CFAP69: variants seen among roughly 807,000 people sequenced by gnomAD.
CFAP69 encodes cilia and flagella associated protein 69, also known as cilia- and flagella-associated protein 69.
A neutral mutation model predicts 123.0 loss-of-function variants in CFAP69; 92 were observed. The ratio of observed to expected loss-of-function variants is 0.75; its 90% CI spans 0.63 to 0.89. The LOEUF (loss-of-function observed/expected upper bound fraction) is 0.89, where lower values mean the gene tolerates loss of function less well. Among genes scored for constraint, CFAP69 ranks in the 40% least tolerant of loss-of-function variants. CFAP69 has a pLI of 0.00. For synonymous variants in CFAP69, 380 were observed against 364.3 expected (o/e 1.04, Z -0.49); for missense variants, 1,067 against 1,096.9 (o/e 0.97, Z 0.39).
the CFAP69 span, chr7:90,321,263 AGCT>A: frequency 6.6e-6 from 1 of 151,836 alleles, no homozygotes; most frequent in Non-Finnish European, 1.5e-5. Flanking sequence ...CCGCGGGTGG[AGCT>A]GCCGGTTCTG....
chr7:90,308,413 T>A (rs1002515477), intron 21 of CFAP69, among the ~76,000 whole-genome samples: 1 of 152,192 alleles, frequency 6.6e-6, no homozygotes, highest in African/African-American at 2.4e-5. Context: ...AGAAACACCA[T>A]GGATTTCCAG....
At chr7:90,284,638 T>C (rs1301577353) in intron 13 of CFAP69, among the ~76,000 whole-genome samples, 2 of 152,080 alleles carry the variant, frequency 1.3e-5, no homozygotes, top group Non-Finnish European at 2.9e-5. Context: ...GCTTGGGTAG[T>C]TTTCAAGGCT....
chr7:90,300,026 G>A lies in CFAP69; in HGVS notation c.2017G>A (p.Gly673Arg). The A allele has an allele frequency of 6.3e-7, 1 of 1,599,506 alleles. No individual in the cohort carries two copies. The highest frequency in any genetic ancestry group is 8.5e-7 in the Non-Finnish European group (1 of 1,174,398). The change falls in exon 17 of 23, where the codon GGA becomes AGA. Residue 673 changes from glycine (G) to arginine (R), a missense_variant. Physicochemically the swap from Gly to Arg is moderately radical, Grantham distance 125. Coordinates refer to ENST00000389297, the MANE Select transcript of CFAP69 (RefSeq NM_001039706.3). The stretch of plus-strand genomic sequence containing the variant: ...GTGGAGAAAGGAGGAAAAAGAACTA[G>A]GAGTAAAACGTGATAAAAATGGGAA... ...KLWRKEEKEL[G>R]VKRDKNGKII...
chr7:90,295,303 G>C (rs914034619), intron 15 of CFAP69, among the ~76,000 whole-genome samples: 2 of 152,136 alleles, frequency 1.3e-5, no homozygotes, highest in African/African-American at 4.8e-5. Flanking sequence ...TCCAGGGTCG[G>C]TCAAGTTTCC....
chr7:90,304,912 AT>A, intron 19 of CFAP69, 92 bp downstream of exon 19: 2 of 918,528 alleles, frequency 2.2e-6, no homozygotes, highest in Non-Finnish European at 3.3e-6. Context: ...GTGAGCAATC[AT>A]CTACATACTG....
downstream of CFAP69, chr7:90,312,433 C>T (rs1184389557): frequency 6.6e-6 from 1 of 152,210 alleles, no homozygotes; most frequent in Non-Finnish European, 1.5e-5. Context: ...GTAATCTAGA[C>T]AATTTCTGAT....
chr7:90,312,308 A>G (rs1273669601), downstream of CFAP69, among the ~76,000 whole-genome samples: 1 of 152,240 alleles, frequency 6.6e-6, no homozygotes, highest in Non-Finnish European at 1.5e-5. Flanking sequence ...TTTCTCCAAA[A>G]TGGTGAGGCA....
chr7:90,315,135 A>G (rs1794682849), downstream of CFAP69, among the ~76,000 whole-genome samples: 1 of 152,132 alleles, frequency 6.6e-6, no homozygotes, highest in Admixed American at 6.5e-5. Flanking sequence ...GAGAAAAGAG[A>G]ATGCTTATAC....
chr7:90,302,963 TC>T (rs2117379588), intron 17 of CFAP69: 1 of 152,352 alleles, frequency 6.6e-6, no homozygotes, highest in African/African-American at 2.4e-5. Flanking sequence ...GGGATGTTTT[TC>T]CATTTGTTTG....
intron 19 of CFAP69, 48 bp downstream of exon 19, chr7:90,304,868 A>C (rs755765471): frequency 1.7e-6 from 2 of 1,151,028 alleles, no homozygotes; most frequent in East Asian, 2.4e-5. Flanking sequence ...GATAGCAAAA[A>C]ATTAACTGGA....
chr7:90,297,127 C>T (rs1281831762), intron 15 of CFAP69, among the ~76,000 whole-genome samples: 2 of 152,128 alleles, frequency 1.3e-5, no homozygotes, highest in Non-Finnish European at 2.9e-5. Flanking sequence ...TCTTTCAGAG[C>T]CTACTGTCAT....
At chr7:90,314,129 GGTCTGAGACATT>G (rs1242815635), downstream of CFAP69, among the ~76,000 whole-genome samples, 3 of 151,982 alleles carry the variant, frequency 2.0e-5, no homozygotes, top group African/African-American at 7.3e-5. Context: ...TCAAAAACAT[GGTCTGAGACATT>G]GTCACAACCC....
intron 21 of CFAP69, among the ~76,000 whole-genome samples, chr7:90,308,076 G>C (rs1383841527): frequency 1.3e-5 from 2 of 152,172 alleles, no homozygotes; most frequent in Non-Finnish European, 2.9e-5. Flanking sequence ...GGAGAAACAA[G>C]GCTGATGTTC....
At chr7:90,261,183 G>A (rs538054665) in intron 3 of CFAP69, among the ~76,000 whole-genome samples, 8 of 151,780 alleles carry the variant, frequency 5.3e-5, no homozygotes, top group African/African-American at 1.7e-4. Flanking sequence ...GGCTTCAAGC[G>A]ATTCTCCTGC....
chr7:90,245,328 T>C lies in CFAP69; in HGVS notation c.-97T>C. The C allele has an allele frequency of 7.1e-7, 1 of 1,418,088 alleles. No homozygotes were observed. Among genetic ancestry groups the C allele is most frequent in the Admixed American group, 3.2e-5 (1 of 31,482 alleles). 87.8% of individuals were successfully genotyped at this position (1,418,088 alleles called of 1,614,324 possible). On this transcript the variant is annotated 5_prime_UTR_variant, in exon 1 of 23. Transcript: ENST00000389297. ...CGACTCTAGCGACTCTCAGGCTGCC[T>C]TCCCTTCTCGGTGGCGGGGCCTCTT...
Position 90,258,175 on chromosome 7 carries a change from A to AAGTGCTAGATGATT in CFAP69, c.246+12_246+13insAGTGCTAGATGATT. On this transcript the variant is annotated intron_variant, in intron 3 of 22. Coordinates refer to ENST00000389297, the MANE Select transcript of CFAP69 (RefSeq NM_001039706.3). ...ATCAGAATGGACTTGTATCCTTTAC[A>AAGTGCTAGATGATT]TATATATGTATGTTCATTTCATTTA... 2 of 1,514,616 alleles carry AAGTGCTAGATGATT rather than the reference A, an allele frequency of 1.3e-6. No homozygotes were observed. The highest frequency in any genetic ancestry group is 1.8e-6 in the Non-Finnish European group (2 of 1,103,588). 93.8% of individuals were successfully genotyped at this position (1,514,616 alleles called of 1,614,324 possible).
intron 15 of CFAP69, among the ~76,000 whole-genome samples, chr7:90,290,026 A>G (rs1005087622): frequency 1.3e-5 from 2 of 152,192 alleles, no homozygotes; most frequent in African/African-American, 2.4e-5. Context: ...AAGTCTAGAC[A>G]TCTGGTAGAG....
chr7:90,322,901 C>A, the CFAP69 span, among the ~76,000 whole-genome samples: 1,460 of 152,010 alleles, frequency 9.6e-3, 7 homozygotes, highest in Non-Finnish European at 0.014. Flanking sequence ...GAAGAGTAGA[C>A]CTTAATATTC....
intron 1 of CFAP69, 94 bp downstream of exon 1, chr7:90,245,638 G>C: frequency 7.2e-7 from 1 of 1,394,520 alleles, no homozygotes; most frequent in Non-Finnish European, 9.4e-7. Flanking sequence ...GGTGGAACTG[G>C]GGACAGGAGT....
Sources: gnomAD v4.1 joint callset for allele counts (sites outside exome capture counted in the v4.1 genomes callset) on GRCh38, gnomAD v4.1.1 for gene constraint, MANE v1.5 for transcripts, NCBI Gene and HGNC (gene_info 2026-07-23, HGNC 2026-07-21) for gene names.